CNTN3: variants seen among roughly 807,000 people sequenced by gnomAD.
CNTN3 encodes contactin 3, also known as contactin-3.
Under a neutral mutation model 119.1 loss-of-function variants are expected in CNTN3, and 60 were observed. That is an observed-to-expected ratio of 0.50 (90% CI 0.41 to 0.62). CNTN3 has a LOEUF of 0.62. Among genes scored for constraint, CNTN3 ranks in the 20% least tolerant of loss-of-function variants. The pLI, the probability that CNTN3 is intolerant of heterozygous loss-of-function variation, is 0.00. For synonymous variants in CNTN3, 450 were observed against 438.7 expected (o/e 1.03, Z -0.32); for missense variants, 1,101 against 1,242.4 (o/e 0.89, Z 1.71).
At chr3:74,311,359 A>AT (rs1353633023) in intron 13 of CNTN3, among the ~76,000 whole-genome samples, 1 of 152,130 alleles carries the variant, frequency 6.6e-6, no homozygotes, top group African/African-American at 2.4e-5. Context: ...TCGATAGACT[A>AT]TTTTCCTGGT....
intron 12 of CNTN3, among the ~76,000 whole-genome samples, chr3:74,335,874 G>A (rs935206648): frequency 6.6e-6 from 1 of 152,044 alleles, no homozygotes; most frequent in East Asian, 1.9e-4. Flanking sequence ...CCTTCTCAGT[G>A]AGGTTTATTC....
At chr3:74,613,935 G>C (rs1361670547) in intron 1 of CNTN3, among the ~76,000 whole-genome samples, 1 of 152,198 alleles carries the variant, frequency 6.6e-6, no homozygotes, top group Non-Finnish European at 1.5e-5. Flanking sequence ...GATCGCTAAT[G>C]AAAGAATCGG....
In CNTN3 at chr3:74,609,219, C is replaced by T. The variant is rs560960843; in HGVS notation, c.-81+5172G>A. Among the ~76,000 whole-genome samples the T allele has an allele frequency of 1.3e-3, 199 of 152,288 alleles. 1 individual carries two copies. The highest frequency in any genetic ancestry group is 4.3e-3 in the African/African-American group (180 of 41,566). ...TAGGGAGAAGTCACATACAGACAGG[C>T]TGCATCAGTAGCATATTTTTCTCTA... On this transcript the variant is annotated intron_variant, in intron 1 of 22. Transcript: ENST00000263665.
In CNTN3 at chr3:74,440,461, T is replaced by C. The variant is rs77697920; in HGVS notation, c.359-15521A>G. On this transcript the variant is annotated intron_variant, in intron 4 of 22. Transcript: ENST00000263665. ...GCTACAGATCTCTTGAATCGCCAAC[T>C]TAAAGCTTAAAAAGCAAATAGCAAA... Among the ~76,000 whole-genome samples the C allele has an allele frequency of 9.0e-3, 1,312 of 145,810 alleles. 15 individuals carry two copies. Among genetic ancestry groups the C allele is most frequent in the African/African-American group, 0.032 (1,246 of 39,534 alleles).
intron 13 of CNTN3, among the ~76,000 whole-genome samples, chr3:74,317,697 G>C (rs1256180053): frequency 6.6e-6 from 1 of 152,134 alleles, no homozygotes; most frequent in Admixed American, 6.5e-5. Context: ...GAGTTTCTGT[G>C]GAGAGATCAG....
At chr3:74,439,247 C>T (rs1260066530) in intron 4 of CNTN3, among the ~76,000 whole-genome samples, 1 of 152,146 alleles carries the variant, frequency 6.6e-6, no homozygotes, top group South Asian at 2.1e-4. Flanking sequence ...TGGCTCATGC[C>T]TGTAGTCCTA....
intron 13 of CNTN3, among the ~76,000 whole-genome samples, chr3:74,310,589 T>C (rs1334411592): frequency 6.6e-6 from 1 of 152,180 alleles, no homozygotes; most frequent in Non-Finnish European, 1.5e-5. Context: ...CTTAATACTA[T>C]AGTGGCTGGA....
intron 5 of CNTN3, among the ~76,000 whole-genome samples, chr3:74,373,339 C>T (rs975847746): frequency 9.9e-5 from 15 of 152,154 alleles, no homozygotes; most frequent in African/African-American, 3.1e-4. Flanking sequence ...CTCCGGCAAC[C>T]TCACTTTGCA....
At chr3:74,612,104 T>G (rs570233525) in intron 1 of CNTN3, among the ~76,000 whole-genome samples, 22 of 152,124 alleles carry the variant, frequency 1.4e-4, no homozygotes, top group Admixed American at 2.6e-4. Flanking sequence ...ATATTAAGAG[T>G]TAATGAGAAC....
intron 2 of CNTN3, among the ~76,000 whole-genome samples, chr3:74,510,181 C>T (rs1475559702): frequency 4.6e-5 from 7 of 151,960 alleles, no homozygotes; most frequent in African/African-American, 1.7e-4. Context: ...AGAAAGACTT[C>T]AGACTTTCCT....
intron 4 of CNTN3, among the ~76,000 whole-genome samples, chr3:74,425,438 T>A (rs1701680484): frequency 6.6e-6 from 1 of 152,216 alleles, no homozygotes; most frequent in Admixed American, 6.5e-5. Context: ...TGGATTCTGA[T>A]TTCTTTATTA....
At chr3:74,478,310 T>C (rs35976325) in intron 4 of CNTN3, among the ~76,000 whole-genome samples, 69,418 of 151,908 alleles carry the variant, frequency 0.46, 19,891 homozygotes, top group Non-Finnish European at 0.64. Context: ...TTTGAAGCTG[T>C]GGTTAGGAAT....
intron 19 of CNTN3, among the ~76,000 whole-genome samples, chr3:74,290,510 T>A (rs1460617213): frequency 6.6e-6 from 1 of 152,174 alleles, no homozygotes; most frequent in African/African-American, 2.4e-5. Flanking sequence ...AGCACTCTGT[T>A]CGGTTTGGAA....
At chr3:74,394,034 A>G (rs537947938) in intron 5 of CNTN3, among the ~76,000 whole-genome samples, 3 of 152,338 alleles carry the variant, frequency 2.0e-5, no homozygotes, top group Non-Finnish European at 4.4e-5. Context: ...ACACTCAGAA[A>G]ATTGCTTGTT....
At chr3:74,402,246 A>C (rs1211704335) in intron 5 of CNTN3, among the ~76,000 whole-genome samples, 2 of 152,188 alleles carry the variant, frequency 1.3e-5, no homozygotes, top group Non-Finnish European at 2.9e-5. Flanking sequence ...CCAGTGAAAA[A>C]TATAGGAGCA....
chr3:74,286,825 G>T (rs762588470), intron 19 of CNTN3, among the ~76,000 whole-genome samples: 8 of 152,158 alleles, frequency 5.3e-5, no homozygotes, highest in Non-Finnish European at 1.0e-4. Flanking sequence ...GAGAGATACA[G>T]GCTATCTTCT....
At chr3:74,587,862 T>C (rs1704622847) in intron 1 of CNTN3, among the ~76,000 whole-genome samples, 1 of 152,210 alleles carries the variant, frequency 6.6e-6, no homozygotes, top group South Asian at 2.1e-4. Flanking sequence ...AGGGCATCCC[T>C]GTCTTGTGCC....
chr3:74,366,807 T>TATATATATATATATAA (rs1287883934), intron 8 of CNTN3, among the ~76,000 whole-genome samples: 2 of 132,676 alleles, frequency 1.5e-5, no homozygotes, highest in Non-Finnish European at 3.3e-5. Flanking sequence ...TATATATATA[T>TATATATATATATATAA]AACTTGCTCA....
chr3:74,320,436 C>G (rs1049431285), intron 13 of CNTN3, among the ~76,000 whole-genome samples: 1 of 151,940 alleles, frequency 6.6e-6, no homozygotes, highest in African/African-American at 2.4e-5. Context: ...CCAAGCACCG[C>G]ATGTTCTCAC....
Sources: gnomAD v4.1 joint callset for allele counts (sites outside exome capture counted in the v4.1 genomes callset) on GRCh38, gnomAD v4.1.1 for gene constraint, MANE v1.5 for transcripts, NCBI Gene and HGNC (gene_info 2026-07-23, HGNC 2026-07-21) for gene names.